Variants in SLCO6A1 observed in about 807,000 individuals in gnomAD.
SLCO6A1 encodes cancer/testis antigen 48.
Under a neutral mutation model 72.7 loss-of-function variants are expected in SLCO6A1, and 65 were observed. That is an observed-to-expected ratio of 0.89 (90% CI 0.73 to 1.10). SLCO6A1 has a LOEUF of 1.10. Ranked by LOEUF, SLCO6A1 falls within the 50% of genes least tolerant of loss-of-function variation. SLCO6A1 has a pLI of 0.00. For missense variants in SLCO6A1, 874 were observed against 872.6 expected (o/e 1.00, Z -0.02); for synonymous variants, 314 against 298.2 (o/e 1.05, Z -0.55).
chr5:102,476,629 C>T (rs1344394379), intron 3 of SLCO6A1, among the ~76,000 whole-genome samples: 1 of 152,030 alleles, frequency 6.6e-6, no homozygotes, highest in Non-Finnish European at 1.5e-5. Context: ...CTATCCAATT[C>T]ATGTATTAGA....
rs1159067648 is a variant in SLCO6A1, at chr5:102,431,058, CT to C, written c.1276+7558del. Reference sequence around the variant, plus strand: ...GTGTCCAGGAATTTATTCATTTTTTCTAGATTTTCTAGTTCATGTTTGTAAA... The same window carrying C: ...GTGTCCAGGAATTTATTCATTTTTTCAGATTTTCTAGTTCATGTTTGTAAA... On this transcript the variant is annotated intron_variant, in intron 7 of 13. Transcript: ENST00000506729. 1.1e-4 allele frequency among the ~76,000 whole-genome samples: 17 copies of C among 151,906 alleles called. 1 individual carries two copies. Among genetic ancestry groups the C allele is most frequent in the Admixed American group, 1.1e-3 (17 of 15,234 alleles).
chr5:102,413,723 T>G (rs545585990), intron 8 of SLCO6A1, among the ~76,000 whole-genome samples: 64 of 152,320 alleles, frequency 4.2e-4, no homozygotes, highest in African/African-American at 1.3e-3. Context: ...ATTTTACATT[T>G]CCATCAGCAG....
At position 102,459,841 on chromosome 5, in the gene SLCO6A1, TCAAA is replaced by T. The variant is rs981257609; in HGVS notation, c.900-68_900-65del. The T allele has an allele frequency of 1.9e-5, 26 of 1,389,720 alleles. No homozygotes were observed. The Admixed American group carries it at 3.1e-4, about 17-fold the overall frequency. The allele number at this position is 1,389,720 out of a possible 1,614,324, so 86.1% of individuals were successfully genotyped here. On this transcript the variant is annotated intron_variant, in intron 4 of 13. Transcript: ENST00000506729. Reference sequence around the variant, plus strand: ...GTATTTGATTACAACAAAACCATAATCAAACAGAGTGGAGAAAGTGAGAGTGAGA... The same window carrying T: ...GTATTTGATTACAACAAAACCATAATCAGAGTGGAGAAAGTGAGAGTGAGA...
At chr5:102,445,490 A>G (rs936972492) in intron 6 of SLCO6A1, among the ~76,000 whole-genome samples, 1 of 152,130 alleles carries the variant, frequency 6.6e-6, no homozygotes, top group Non-Finnish European at 1.5e-5. Flanking sequence ...TGTCAGACGT[A>G]TAGTTTGCAA....
intron 1 of SLCO6A1, among the ~76,000 whole-genome samples, chr5:102,481,558 G>C (rs561591499): frequency 6.6e-4 from 101 of 152,256 alleles, no homozygotes; most frequent in African/African-American, 2.4e-3. Context: ...CATTCCCCTT[G>C]CAAATAGGAG....
intron 4 of SLCO6A1, among the ~76,000 whole-genome samples, chr5:102,462,666 G>C (rs1751099646): frequency 6.6e-6 from 1 of 152,094 alleles, no homozygotes. Flanking sequence ...AATGGTGCTT[G>C]GATAACTGGC....
At chr5:102,485,294 A>AAATAAATAAAT (rs201053882) in intron 1 of SLCO6A1, among the ~76,000 whole-genome samples, 3 of 113,898 alleles carry the variant, frequency 2.6e-5, no homozygotes, top group African/African-American at 4.3e-5. Flanking sequence ...ATAAATAAAT[A>AAATAAATAAAT]AAATAAAATA....
At chr5:102,408,464 C>A (rs1406188111) in intron 9 of SLCO6A1, among the ~76,000 whole-genome samples, 1 of 151,974 alleles carries the variant, frequency 6.6e-6, no homozygotes, top group Non-Finnish European at 1.5e-5. Flanking sequence ...TCTGTGAAAC[C>A]CAAGCAAAAT....
At chr5:102,438,450 T>C in intron 7 of SLCO6A1, 167 bp downstream of exon 7, 1 of 482,624 alleles carries the variant, frequency 2.1e-6, no homozygotes, top group Non-Finnish European at 3.5e-6. Context: ...GATTTATATG[T>C]TAAAAATATT....
At chr5:102,474,425 C>T (rs77334511) in intron 4 of SLCO6A1, among the ~76,000 whole-genome samples, 3,504 of 152,002 alleles carry the variant, frequency 0.023, 134 homozygotes, top group African/African-American at 0.08. Flanking sequence ...AAAATTAACC[C>T]AAAATGGATT....
Position 102,493,283 on chromosome 5 carries a change from C to T in SLCO6A1, c.358+5204G>A, listed in dbSNP as rs183183244. 1.9e-3 allele frequency among the ~76,000 whole-genome samples: 286 copies of T among 152,096 alleles called. 2 individuals are homozygous for T. The highest frequency in any genetic ancestry group is 6.3e-3 in the African/African-American group (261 of 41,498). ...TTTTGGCAAATTAAGTCCAGCAATA[C>T]GCAGAAAAAGACAATCATCTAATAA... On this transcript the variant is annotated intron_variant, in intron 1 of 13. Transcript: ENST00000506729.
intron 8 of SLCO6A1, among the ~76,000 whole-genome samples, chr5:102,416,261 T>C (rs1748279555): frequency 6.6e-6 from 1 of 152,068 alleles, no homozygotes; most frequent in South Asian, 2.1e-4. Flanking sequence ...TAGTTATTTA[T>C]AGCAGCAATA....
At chr5:102,418,303 A>G (rs1748404818) in intron 8 of SLCO6A1, among the ~76,000 whole-genome samples, 1 of 152,012 alleles carries the variant, frequency 6.6e-6, no homozygotes, top group South Asian at 2.1e-4. Context: ...ACAATGTGTT[A>G]TGGTGTAATT....
rs751748616 is a variant in SLCO6A1, at chr5:102,498,674, G to A, written c.171C>T (p.Ala57=). ...TTCGGAAACCGCCGAACCTTATCAA[G>A]GCCTCTGGAAGTAGTCTCAGATACC... is the stretch of plus-strand genomic sequence containing the variant. ...KHRYLRLLPE[A]LIRFGGFRKR... The change falls in exon 1 of 14, where the codon GCC becomes GCT. Residue 57 remains alanine (A), a synonymous_variant. Coordinates refer to ENST00000506729, the MANE Select transcript of SLCO6A1 (RefSeq NM_173488.5). The A allele has an allele frequency of 6.2e-7, 1 of 1,614,194 alleles. No homozygotes were observed. The highest frequency in any genetic ancestry group is 1.1e-5 in the South Asian group (1 of 91,090).
intron 10 of SLCO6A1, among the ~76,000 whole-genome samples, chr5:102,397,050 G>C (rs1266165171): frequency 6.6e-6 from 1 of 152,146 alleles, no homozygotes; most frequent in Admixed American, 6.5e-5. Context: ...ACGAGTTTCA[G>C]AGAGGATCTA....
intron 7 of SLCO6A1, among the ~76,000 whole-genome samples, chr5:102,427,332 C>A (rs1196007678): frequency 1.3e-5 from 2 of 151,872 alleles, no homozygotes; most frequent in African/African-American, 2.4e-5. Flanking sequence ...AGGGGAGAAA[C>A]CTGGCAAATG....
chr5:102,435,875 C>CA lies in SLCO6A1; in HGVS notation c.1276+2741dup, dbSNP rs1201565012. Reference sequence around the variant, plus strand: ...GGGCAACAAGAGTGAAACTCCATCTCAAAAAAAAAAAAAAAAGTTATCAGG... The same window carrying CA: ...GGGCAACAAGAGTGAAACTCCATCTCAAAAAAAAAAAAAAAAAGTTATCAGG... On this transcript the variant is annotated intron_variant, in intron 7 of 13. Coordinates refer to ENST00000506729, the MANE Select transcript of SLCO6A1 (RefSeq NM_173488.5). 6.8e-3 allele frequency among the ~76,000 whole-genome samples: 728 copies of CA among 106,510 alleles called. 5 individuals carry two copies. The highest frequency in any genetic ancestry group is 0.018 in the African/African-American group (517 of 28,954). 69.9% of individuals were successfully genotyped at this position (106,510 alleles called of 152,430 possible).
chr5:102,416,286 G>A (rs1748280560), intron 8 of SLCO6A1, among the ~76,000 whole-genome samples: 1 of 151,672 alleles, frequency 6.6e-6, no homozygotes, highest in Non-Finnish European at 1.5e-5. Context: ...CAATAGCAAA[G>A]ATAAGAAATC....
intron 7 of SLCO6A1, among the ~76,000 whole-genome samples, chr5:102,424,541 G>A (rs150812673): frequency 6.6e-6 from 1 of 151,974 alleles, no homozygotes; most frequent in Admixed American, 6.6e-5. Context: ...TAAATTCCTG[G>A]ACACATACAC....
Sources: allele counts gnomAD v4.1 joint callset (sites outside exome capture counted in the v4.1 genomes callset), GRCh38; gene constraint gnomAD v4.1.1; transcripts MANE v1.5; gene names NCBI Gene and HGNC (gene_info 2026-07-23, HGNC 2026-07-21).